Variants in PHYKPL observed in about 807,000 individuals in gnomAD.
PHYKPL encodes the protein 5-phosphohydroxy-L-lysine phospho-lyase, also known as 5-phosphonooxy-L-lysine phospho-lyase.
Under a neutral mutation model 51.3 loss-of-function variants are expected in PHYKPL, and 42 were observed. The ratio of observed to expected loss-of-function variants is 0.82; its 90% CI spans 0.64 to 1.06. The LOEUF (loss-of-function observed/expected upper bound fraction) is 1.06, where lower values mean the gene tolerates loss of function less well. Ranked by LOEUF, PHYKPL falls within the 50% of genes least tolerant of loss-of-function variation. The pLI, the probability that PHYKPL is intolerant of heterozygous loss-of-function variation, is 0.00. For synonymous variants in PHYKPL, 264 were observed against 236.0 expected, an observed-to-expected ratio of 1.12 and a Z score of -1.09; for missense variants, 655 against 586.6, an observed-to-expected ratio of 1.12 and a Z score of -1.20.
At chr5:178,227,918 G>T (rs1762610036) in intron 3 of PHYKPL, among the ~76,000 whole-genome samples, 1 of 152,214 alleles carries the variant, frequency 6.6e-6, no homozygotes. Context: ...GGAGCGTGTG[G>T]TTTCTGCCTG....
chr5:178,219,699 CT>C (rs1193010959), intron 8 of PHYKPL, among the ~76,000 whole-genome samples: 1 of 151,942 alleles, frequency 6.6e-6, no homozygotes, highest in Non-Finnish European at 1.5e-5. Context: ...ATCTGCCCAC[CT>C]CGGCTTCCCA....
intron 8 of PHYKPL, among the ~76,000 whole-genome samples, chr5:178,220,150 G>A (rs145299776): frequency 0.035 from 5,073 of 145,658 alleles, 257 homozygotes; most frequent in African/African-American, 0.11. Context: ...AGCTGAGATC[G>A]CGTCACTGCA....
At chr5:178,224,387 G>A (rs1220133486) in intron 6 of PHYKPL, 61 bp downstream of exon 6, 105 of 1,450,810 alleles carry the variant, frequency 7.2e-5, no homozygotes, top group Non-Finnish European at 9.2e-5. Context: ...TAGCACAGTG[G>A]CGGTGACAAC....
chr5:178,227,724 T>G (rs557250295), intron 3 of PHYKPL, among the ~76,000 whole-genome samples: 1 of 152,144 alleles, frequency 6.6e-6, no homozygotes, highest in Non-Finnish European at 1.5e-5. Context: ...GGGACATAAG[T>G]CAGCTCCTAT....
chr5:178,217,024 A>C (rs953028658), intron 8 of PHYKPL: 1 of 152,216 alleles, frequency 6.6e-6, no homozygotes, highest in Non-Finnish European at 1.5e-5. Flanking sequence ...GTATCCAAAC[A>C]AGCAAACAGA....
chr5:178,217,226 A>T (rs1041642474), intron 8 of PHYKPL, among the ~76,000 whole-genome samples: 1 of 143,650 alleles, frequency 7.0e-6, no homozygotes, highest in Non-Finnish European at 1.5e-5. Flanking sequence ...GGCTCAACAG[A>T]TTTTTTTTTT....
At chr5:178,214,335 A>G (rs1157283128) in intron 10 of PHYKPL, among the ~76,000 whole-genome samples, 5 of 152,092 alleles carry the variant, frequency 3.3e-5, no homozygotes, top group Admixed American at 3.3e-4. Flanking sequence ...GACACCCCCG[A>G]CCCAGCTTAG....
At chr5:178,207,213 C>T (rs370066802), downstream of PHYKPL, 46 of 1,614,020 alleles carry the variant, frequency 2.9e-5, no homozygotes, top group Non-Finnish European at 3.7e-5. Flanking sequence ...TCCATACTGT[C>T]AGTGGAAGCA....
Position 178,231,487 on chromosome 5 carries a change from A to G in PHYKPL, c.96T>C (p.Val32=). The G allele has an allele frequency of 6.2e-7, 1 of 1,614,140 alleles. No individual in the cohort carries two copies. The highest frequency in any genetic ancestry group is 8.5e-7 in the Non-Finnish European group (1 of 1,180,022). ...SCRLFFPEDP[V]KIVRAQGQYM... ...ACTGCCCTTGGGCCCGGACAATCTT[A>G]ACAGGATCCTCGGGAAAAAAGAGTC... The change falls in exon 2 of 13, where the codon GTT becomes GTC. Residue 32 remains valine, a synonymous_variant. Coordinates refer to ENST00000308158, the MANE Select transcript of PHYKPL (RefSeq NM_153373.4).
chr5:178,231,606 C>G (rs908477285), intron 1 of PHYKPL, 83 bp from the exon 2 acceptor site: 4 of 1,602,540 alleles, frequency 2.5e-6, no homozygotes, highest in Non-Finnish European at 3.4e-6. Context: ...CCGCCCACCC[C>G]TTCCCAGTTT....
chr5:178,207,372 G>A, downstream of PHYKPL: 1 of 926,528 alleles, frequency 1.1e-6, no homozygotes, highest in Non-Finnish European at 1.6e-6. Context: ...CCCTGATTGG[G>A]GCAGTGTTCC....
chr5:178,224,996 T>C (rs766583040), intron 4 of PHYKPL: 14 of 567,220 alleles, frequency 2.5e-5, no homozygotes, highest in Admixed American at 6.5e-5. Flanking sequence ...ATTTCCTCCT[T>C]CTGGTTTATA....
chr5:178,210,816 G>C, intron 12 of PHYKPL: 1 of 604,638 alleles, frequency 1.7e-6, no homozygotes, highest in Non-Finnish European at 3.0e-6. Context: ...GCAGCGTGTG[G>C]TGTCTGAGAG....
At chr5:178,229,897 A>C in intron 3 of PHYKPL, 43 bp downstream of exon 3, 1 of 1,598,576 alleles carries the variant, frequency 6.3e-7, no homozygotes, top group Non-Finnish European at 8.6e-7. Context: ...TGTCTTTGTT[A>C]CCGTCTCACC....
At position 178,224,435 on chromosome 5, in the gene PHYKPL, C is replaced by A; in HGVS notation, c.618+13G>T. The A allele has an allele frequency of 6.4e-7, 1 of 1,559,714 alleles. No individual in the cohort carries two copies. Among genetic ancestry groups the A allele is most frequent in the Middle Eastern group, 1.7e-4 (1 of 5,790 alleles). On this transcript the variant is annotated intron_variant, in intron 6 of 12. Coordinates refer to ENST00000308158, the MANE Select transcript of PHYKPL (RefSeq NM_153373.4). ...CACTGTTGGCTGGATTGGACAGGCG[C>A]GGACACGGTTACCTTCCTGCCCTTC...
At position 178,222,487 on chromosome 5, in the gene PHYKPL, C is replaced by G; in HGVS notation, c.795G>C (p.Gln265His). 6.2e-7 allele frequency: 1 copy of G among 1,614,284 alleles called. No homozygotes were observed. The highest frequency in any genetic ancestry group is 8.5e-7 in the Non-Finnish European group (1 of 1,180,056). ...VGKHFWAFQL[Q>H]GKDFVPDIVT... ...CGATGTCAGGGACGAAGTCTTTTCC[C>G]TGGAGCTGGAAGGCCCAGAAGTGCT... Residue 265 changes from glutamine (Q) to histidine (H), a missense_variant, in exon 8 of 13, where the codon CAG becomes CAC. Physicochemically the swap from Gln to His is conservative, Grantham distance 24. Coordinates refer to ENST00000308158, the MANE Select transcript of PHYKPL (RefSeq NM_153373.4).
intron 6 of PHYKPL, chr5:178,223,702 A>G (rs1398712643): frequency 2.9e-6 from 1 of 346,366 alleles, no homozygotes; most frequent in Non-Finnish European, 5.7e-6. Context: ...TCTTTGTCGT[A>G]CCTCCTGTGT....
intron 8 of PHYKPL, among the ~76,000 whole-genome samples, chr5:178,218,989 C>A (rs1358725786): frequency 6.6e-6 from 1 of 152,254 alleles, no homozygotes; most frequent in South Asian, 2.1e-4. Context: ...AAGGAAAACA[C>A]TGTAGTATGA....
At chr5:178,225,573 T>C (rs921416761) in intron 3 of PHYKPL, 144 bp from the exon 4 acceptor site, 4 of 727,984 alleles carry the variant, frequency 5.5e-6, no homozygotes, top group Non-Finnish European at 9.5e-6. Context: ...GTTTGGTATA[T>C]ATCAAATGCC....
Sources: gnomAD v4.1 joint callset for allele counts (sites outside exome capture counted in the v4.1 genomes callset) on GRCh38, gnomAD v4.1.1 for gene constraint, MANE v1.5 for transcripts, NCBI Gene and HGNC (gene_info 2026-07-23, HGNC 2026-07-21) for gene names.